PPA1: variants seen among roughly 807,000 people sequenced by gnomAD.
The protein encoded by PPA1 is inorganic pyrophosphatase 1, also known as inorganic pyrophosphatase.
PPA1 carries 23 observed loss-of-function variants against 41.8 expected under a neutral mutation model. The ratio of observed to expected loss-of-function variants is 0.55; its 90% CI spans 0.40 to 0.78. PPA1 has a LOEUF of 0.78. PPA1 is among the 30% of genes least tolerant of loss of function. The pLI is 0.00. For missense variants in PPA1, 320 were observed against 361.6 expected (o/e 0.89, Z 0.93); for synonymous variants, 101 against 116.8 (o/e 0.86, Z 0.87).
In PPA1 at chr10:70,221,053, ATAATT is replaced by A. The variant is rs1246820352; in HGVS notation, c.124-2241_124-2237del. On this transcript the variant is annotated intron_variant, in intron 2 of 10. Coordinates refer to ENST00000373232, the MANE Select transcript of PPA1 (RefSeq NM_021129.4). ...ATATATATATAAATTATATATATAT[ATAATT>A]TATATATATATATATATATTTTTTT... Among the ~76,000 whole-genome samples, 200 of 51,466 alleles carry A rather than the reference ATAATT, an allele frequency of 3.9e-3. 10 individuals carry two copies. The highest frequency in any genetic ancestry group is 0.022 in the African/African-American group (149 of 6,776). The allele number at this position is 51,466 out of a possible 152,430, so 33.8% of individuals were successfully genotyped here. A position where few individuals can be genotyped will look rare whatever the true frequency, so the allele number is the denominator to read the frequency against.
chr10:70,210,943 T>C (rs1338065062), intron 6 of PPA1, among the ~76,000 whole-genome samples: 1 of 152,066 alleles, frequency 6.6e-6, no homozygotes, highest in Non-Finnish European at 1.5e-5. Context: ...TTTTTTTGTA[T>C]TTTTAGTAGA....
At chr10:70,209,458 C>T in intron 7 of PPA1, 100 bp downstream of exon 7, 1 of 1,424,012 alleles carries the variant, frequency 7.0e-7, no homozygotes, top group Non-Finnish European at 9.5e-7. Context: ...GTTATGTTTC[C>T]AGACTTCTGT....
At chr10:70,221,076 A>T (rs867535241) in intron 2 of PPA1, among the ~76,000 whole-genome samples, 1,600 of 39,940 alleles carry the variant, frequency 0.04, 168 homozygotes, top group African/African-American at 0.1. Flanking sequence ...ATATATATAT[A>T]TTTTTTTTTT....
Position 70,221,076 on chromosome 10 carries a change from A to AT in PPA1, c.124-2260dup, listed in dbSNP as rs11310336. Among the ~76,000 whole-genome samples, 34 of 40,024 alleles carry AT rather than the reference A, an allele frequency of 8.5e-4. 1 individual carries two copies. The highest frequency in any genetic ancestry group is 4.3e-3 in the South Asian group (7 of 1,622). 26.3% of individuals were successfully genotyped at this position (40,024 alleles called of 152,430 possible). ...ATATAATTTATATATATATATATAT[A>AT]TTTTTTTTTTTTTTTTTTTGTAGAG... On this transcript the variant is annotated intron_variant, in intron 2 of 10. Transcript: ENST00000373232.
intron 6 of PPA1, chr10:70,210,251 A>T (rs1840001609): frequency 5.1e-6 from 3 of 589,578 alleles, no homozygotes; most frequent in South Asian, 4.5e-5. Context: ...TAATTTTTAA[A>T]TTTTTTGTAG....
chr10:70,215,202 CAAAACAAAACAAACAAAAAAAG>C (rs1426641882), intron 4 of PPA1, among the ~76,000 whole-genome samples: 8 of 151,972 alleles, frequency 5.3e-5, no homozygotes, highest in Admixed American at 2.0e-4. Context: ...CTCAAAAAAA[CAAAACAAAACAAACAAAAAAAG>C]AAAACAAAAC....
rs544341333 is a variant in PPA1, at chr10:70,207,616, T to C, written c.726-1283A>G. ...TTGAGGTTACAGTGAGCTATTATAG[T>C]AACACTGCACTTCAGCCTGGGCGAG... is the stretch of plus-strand genomic sequence containing the variant. On this transcript the variant is annotated intron_variant, in intron 8 of 10. Transcript: ENST00000373232. Among the ~76,000 whole-genome samples, 131 of 152,202 alleles carry C rather than the reference T, an allele frequency of 8.6e-4. 1 individual carries two copies. The highest frequency in any genetic ancestry group is 2.9e-3 in the African/African-American group (119 of 41,520).
intron 6 of PPA1, among the ~76,000 whole-genome samples, chr10:70,212,679 C>T (rs4746977): frequency 0.84 from 127,102 of 152,102 alleles, 53,308 homozygotes; most frequent in East Asian, 1. Flanking sequence ...AGATTAGTGG[C>T]TGCCAGGGCC....
intron 2 of PPA1, among the ~76,000 whole-genome samples, chr10:70,224,051 C>T (rs959078396): frequency 6.6e-6 from 1 of 152,058 alleles, no homozygotes; most frequent in Admixed American, 6.6e-5. Context: ...TGCTGATAAA[C>T]CAGTGGGGGA....
intron 4 of PPA1, among the ~76,000 whole-genome samples, chr10:70,215,504 T>C (rs1840070088): frequency 6.6e-6 from 1 of 151,690 alleles, no homozygotes; most frequent in South Asian, 2.1e-4. Flanking sequence ...TGCGACAGAG[T>C]CTTGCTCTGT....
intron 8 of PPA1, 148 bp downstream of exon 8, chr10:70,209,057 G>A (rs1839983108): frequency 1.9e-6 from 1 of 526,666 alleles, no homozygotes; most frequent in East Asian, 3.1e-5. Context: ...GCTTCCCAAA[G>A]TGCTGGAATG....
intron 2 of PPA1, among the ~76,000 whole-genome samples, chr10:70,229,136 G>C (rs1490782751): frequency 6.6e-6 from 1 of 152,204 alleles, no homozygotes; most frequent in Non-Finnish European, 1.5e-5. Flanking sequence ...CATTGGAAAG[G>C]AGAGTAAGAA....
At chr10:70,225,413 C>T (rs1478135407) in intron 2 of PPA1, among the ~76,000 whole-genome samples, 1 of 151,930 alleles carries the variant, frequency 6.6e-6, no homozygotes, top group Non-Finnish European at 1.5e-5. Flanking sequence ...CCGGGTTTCA[C>T]CATGTTGCTG....
chr10:70,233,279 A>G lies in PPA1; in HGVS notation c.49T>C (p.Tyr17His). 6.5e-7 allele frequency: 1 copy of G among 1,542,610 alleles called. No individual in the cohort carries two copies. The highest frequency in any genetic ancestry group is 8.7e-7 in the Non-Finnish European group (1 of 1,144,294). ...EERAAPFSLE[Y>H]RVFLKNEKGQ... ...AGACACTCACTGAGGAAGACTCGGT[A>G]CTCCAGGGAGAAGGGCGCGGCGCGC... The change falls in exon 1 of 11, where the codon TAC (tyrosine) becomes CAC (histidine). Residue 17 changes from tyrosine to histidine, a missense_variant. Transcript: ENST00000373232.
chr10:70,218,950 G>A, intron 2 of PPA1, 133 bp from the exon 3 acceptor site: 16 of 648,602 alleles, frequency 2.5e-5, no homozygotes, highest in Middle Eastern at 2.5e-4. Context: ...TCAACAAAAT[G>A]CATCAAAAAA....
chr10:70,207,758 G>GT (rs1309881731), intron 8 of PPA1, among the ~76,000 whole-genome samples: 1 of 152,020 alleles, frequency 6.6e-6, no homozygotes, highest in East Asian at 1.9e-4. Context: ...ATCCTAATAT[G>GT]TTTTTTGGGT....
chr10:70,212,317 T>G (rs1440296902), intron 6 of PPA1, among the ~76,000 whole-genome samples: 1 of 152,234 alleles, frequency 6.6e-6, no homozygotes, highest in Non-Finnish European at 1.5e-5. Context: ...TTGCTCAAAG[T>G]GTTCTAGCTT....
chr10:70,217,959 C>A, intron 3 of PPA1, 28 bp from the exon 4 acceptor site: 1 of 1,506,304 alleles, frequency 6.6e-7, no homozygotes, highest in Non-Finnish European at 9.0e-7. Flanking sequence ...CAAATCTTTG[C>A]ATATTTGGAT....
At chr10:70,204,664 T>TA in intron 10 of PPA1, 1 of 468,470 alleles carries the variant, frequency 2.1e-6, no homozygotes, top group Non-Finnish European at 3.8e-6. Context: ...CAAATGTTTT[T>TA]ACCACACAAC....
Sources: allele counts gnomAD v4.1 joint callset (sites outside exome capture counted in the v4.1 genomes callset), GRCh38; gene constraint gnomAD v4.1.1; transcripts MANE v1.5; gene names NCBI Gene and HGNC (gene_info 2026-07-23, HGNC 2026-07-21).